ADAMTSL1: variants seen among roughly 807,000 people sequenced by gnomAD.
The protein encoded by ADAMTSL1 is ADAMTS like 1.
A neutral mutation model predicts 201.8 loss-of-function variants in ADAMTSL1; 126 were observed. The ratio of observed to expected loss-of-function variants is 0.62; its 90% CI spans 0.54 to 0.72. The LOEUF (loss-of-function observed/expected upper bound fraction) is 0.72, where lower values mean the gene tolerates loss of function less well. Among genes scored for constraint, ADAMTSL1 ranks in the 30% least tolerant of loss-of-function variants. The pLI, the probability that ADAMTSL1 is intolerant of heterozygous loss-of-function variation, is 0.00. For missense variants in ADAMTSL1, 2,679 were observed against 2,277.8 expected (o/e 1.18, Z -3.59); for synonymous variants, 1,121 against 903.4 (o/e 1.24, Z -4.32).
chr9:18,301,276 T>C (rs747282216), intron 2 of ADAMTSL1, among the ~76,000 whole-genome samples: 2 of 152,140 alleles, frequency 1.3e-5, no homozygotes, highest in Non-Finnish European at 2.9e-5. Flanking sequence ...ATACAGTTCA[T>C]TAGAATAATA....
At chr9:18,203,557 G>C (rs1421196163) in intron 2 of ADAMTSL1, among the ~76,000 whole-genome samples, 1 of 151,146 alleles carries the variant, frequency 6.6e-6, no homozygotes, top group African/African-American at 2.4e-5. Context: ...TGAAACACAA[G>C]GTCCTAGAGT....
intron 1 of ADAMTSL1, among the ~76,000 whole-genome samples, chr9:18,502,677 C>T (rs997508177): frequency 2.6e-5 from 4 of 152,076 alleles, no homozygotes; most frequent in Non-Finnish European, 4.4e-5. Context: ...AAGGTGGCTC[C>T]GTTATCCATG....
intron 2 of ADAMTSL1, among the ~76,000 whole-genome samples, chr9:18,399,331 A>G (rs1465736354): frequency 1.5e-4 from 16 of 107,632 alleles, no homozygotes; most frequent in Non-Finnish European, 2.9e-4. Flanking sequence ...ATATATATAA[A>G]ATTATTATTT....
chr9:18,653,101 G>A (rs1276179058), intron 7 of ADAMTSL1, among the ~76,000 whole-genome samples: 1 of 152,200 alleles, frequency 6.6e-6, no homozygotes, highest in Non-Finnish European at 1.5e-5. Flanking sequence ...GAGCTAATCA[G>A]AATATACTGC....
intron 1 of ADAMTSL1, among the ~76,000 whole-genome samples, chr9:18,110,059 A>G (rs7853587): frequency 0.045 from 6,900 of 152,286 alleles, 219 homozygotes; most frequent in African/African-American, 0.094. Context: ...AAGGCAGACA[A>G]AGGGCCCTAG....
chr9:18,816,575 T>C (rs1823861961), intron 20 of ADAMTSL1, among the ~76,000 whole-genome samples: 1 of 152,124 alleles, frequency 6.6e-6, no homozygotes, highest in African/African-American at 2.4e-5. Flanking sequence ...GAGTCTACAA[T>C]TACCTTAAAG....
At chr9:18,493,894 T>A (rs954747993) in intron 1 of ADAMTSL1, among the ~76,000 whole-genome samples, 14 of 152,244 alleles carry the variant, frequency 9.2e-5, no homozygotes, top group African/African-American at 3.4e-4. Context: ...CGATTACGTA[T>A]CTGGTGTTCT....
intron 14 of ADAMTSL1, among the ~76,000 whole-genome samples, chr9:18,716,166 C>T (rs1587968405): frequency 6.6e-6 from 1 of 151,848 alleles, no homozygotes; most frequent in Non-Finnish European, 1.5e-5. Flanking sequence ...CCATTCAGGA[C>T]ATAGGCATGG....
At chr9:18,374,415 C>G (rs1837193963) in intron 2 of ADAMTSL1, among the ~76,000 whole-genome samples, 1 of 151,780 alleles carries the variant, frequency 6.6e-6, no homozygotes, top group Non-Finnish European at 1.5e-5. Flanking sequence ...CTGTCTGCAG[C>G]CTTAATTTCT....
chr9:18,051,968 C>T (rs1440993543), intron 1 of ADAMTSL1, among the ~76,000 whole-genome samples: 1 of 152,206 alleles, frequency 6.6e-6, no homozygotes, highest in Non-Finnish European at 1.5e-5. Flanking sequence ...AGGGAAGCAT[C>T]ATGGAGTAGT....
chr9:18,181,054 A>G (rs1003038688), intron 2 of ADAMTSL1, among the ~76,000 whole-genome samples: 1 of 152,210 alleles, frequency 6.6e-6, no homozygotes. Flanking sequence ...CCTATTTAAT[A>G]AATGGTGCTG....
In ADAMTSL1 at chr9:18,776,951, C is replaced by T. The variant is rs1821053824; in HGVS notation, c.2722C>T (p.Leu908Phe). 1.9e-6 allele frequency: 3 copies of T among 1,599,566 alleles called. No individual in the cohort carries two copies. Among genetic ancestry groups the T allele is most frequent in the South Asian group, 1.1e-5 (1 of 89,082 alleles). Residue 908 changes from leucine (L) to phenylalanine (F), a missense_variant, in exon 19 of 29, where the codon CTC becomes TTC. Transcript: ENST00000380548. Reference protein sequence around the residue: ...RCPARRVRKPLITWEKDGQHL... With the variant: ...RCPARRVRKPFITWEKDGQHL... ...CCCGGCGCGCAGGGTCCGCAAGCCC[C>T]TCATCACCTGGGAGAAGGACGGCCA... is the stretch of plus-strand genomic sequence containing the variant.
In ADAMTSL1 at chr9:18,714,893, A is replaced by T. The variant is rs1221032653; in HGVS notation, c.1877-6643A>T. ...AATCCAGCAGCACATCAAAAAGCTT[A>T]TCCACCATGATCAAGTGGGCTTCAT... On this transcript the variant is annotated intron_variant, in intron 14 of 28. Coordinates refer to ENST00000380548, the MANE Select transcript of ADAMTSL1 (RefSeq NM_001040272.6). Among the ~76,000 whole-genome samples the T allele has an allele frequency of 4.8e-3, 724 of 150,564 alleles. 2 individuals carry two copies. Among genetic ancestry groups the T allele is most frequent in the Non-Finnish European group, 8.2e-3 (553 of 67,236 alleles).
intron 1 of ADAMTSL1, among the ~76,000 whole-genome samples, chr9:18,017,349 G>A (rs1023271263): frequency 4.6e-5 from 7 of 151,908 alleles, no homozygotes; most frequent in African/African-American, 1.7e-4. Context: ...AAATCCAGCA[G>A]GGGGAGTATC....
intron 1 of ADAMTSL1, among the ~76,000 whole-genome samples, chr9:18,119,720 A>G (rs897156248): frequency 6.6e-6 from 1 of 152,160 alleles, no homozygotes; most frequent in Non-Finnish European, 1.5e-5. Context: ...TTAGGAGAGT[A>G]TACAGTAATA....
At chr9:18,791,194 G>A (rs10756988) in intron 19 of ADAMTSL1, among the ~76,000 whole-genome samples, 13 of 152,050 alleles carry the variant, frequency 8.5e-5, no homozygotes, top group Non-Finnish European at 1.9e-4. Context: ...GCAAGCCTCC[G>A]TCTCTGCAGC....
chr9:18,639,648 A>T (rs974620127), intron 7 of ADAMTSL1, among the ~76,000 whole-genome samples: 1 of 152,166 alleles, frequency 6.6e-6, no homozygotes, highest in African/African-American at 2.4e-5. Flanking sequence ...TTTATTATGT[A>T]ATTAATAAAA....
At chr9:18,579,504 A>T (rs969970462) in intron 4 of ADAMTSL1, among the ~76,000 whole-genome samples, 9 of 150,704 alleles carry the variant, frequency 6.0e-5, no homozygotes, top group Admixed American at 4.6e-4. Flanking sequence ...ATTAAAAAAT[A>T]AATAAATAAA....
intron 1 of ADAMTSL1, among the ~76,000 whole-genome samples, chr9:18,130,725 C>G (rs1259246020): frequency 6.6e-6 from 1 of 152,162 alleles, no homozygotes; most frequent in African/African-American, 2.4e-5. Flanking sequence ...TCCCACCAGA[C>G]ACATAGGGAA....
Sources: allele counts gnomAD v4.1 joint callset (sites outside exome capture counted in the v4.1 genomes callset), GRCh38; gene constraint gnomAD v4.1.1; transcripts MANE v1.5; gene names NCBI Gene and HGNC (gene_info 2026-07-23, HGNC 2026-07-21).